The following CSMD2 variants were observed in gnomAD, a reference collection of about 807,000 sequenced individuals.
CSMD2 encodes CUB and sushi domain-containing protein 2.
A neutral mutation model predicts 398.5 loss-of-function variants in CSMD2; 130 were observed. The ratio of observed to expected loss-of-function variants is 0.33; its 90% CI spans 0.28 to 0.38. CSMD2 has a LOEUF of 0.38. Ranked by LOEUF, CSMD2 falls within the 10% of genes least tolerant of loss-of-function variation. The probability of loss-of-function intolerance (pLI) is 1.00; values close to 1 mark genes in which losing one functional copy is unlikely to be tolerated. For synonymous variants in CSMD2, 1,828 were observed against 1,908.5 expected, an observed-to-expected ratio of 0.96 and a Z score of 1.10; for missense variants, 3,829 against 4,764.9, an observed-to-expected ratio of 0.80 and a Z score of 5.78.
intron 5 of CSMD2, among the ~76,000 whole-genome samples, chr1:33,892,798 C>A (rs1267981491): frequency 6.6e-6 from 1 of 152,252 alleles, no homozygotes; most frequent in East Asian, 1.9e-4. Context: ...TTTTAAAGTT[C>A]TGCTTACTTT....
At chr1:33,672,710 C>T (rs926494390) in intron 25 of CSMD2, among the ~76,000 whole-genome samples, 1 of 152,200 alleles carries the variant, frequency 6.6e-6, no homozygotes, top group Non-Finnish European at 1.5e-5. Flanking sequence ...GGAGGCAACC[C>T]CCAGTAGGGG....
chr1:34,165,090 C>T lies in CSMD2; in HGVS notation c.8G>A (p.Arg3His), dbSNP rs1161831354. Residue 3 changes from arginine to histidine, a missense_variant, in exon 1 of 71, where the codon CGC (arginine) becomes CAC (histidine). By Grantham distance (29) the Arg-to-His change is conservative. Around this residue, in one of 5 missense-constraint regions of CSMD2, gnomAD observed 184 missense variants for 217.7 expected, o/e 0.85. Coordinates refer to ENST00000373381, the MANE Select transcript of CSMD2 (RefSeq NM_001281956.2). Reference protein sequence around the residue: MPRSRGRELGRCG... With the variant: MPHSRGRELGRCG... ...GCGCCCCAGCTCCCGTCCCCGCGAG[C>T]GCGGCATGGCGCGGCCGGCAGCGCC... is the stretch of plus-strand genomic sequence containing the variant. 2.5e-5 allele frequency: 30 copies of T among 1,214,004 alleles called. No individual in the cohort carries two copies. The highest frequency in any genetic ancestry group is 1.2e-4 in the South Asian group (3 of 24,220). The allele number at this position is 1,214,004 out of a possible 1,614,324, so 75.2% of individuals were successfully genotyped here.
intron 49 of CSMD2, 24 bp from the exon 50 acceptor site, chr1:33,572,715 T>C (rs768506883): frequency 1.5e-5 from 23 of 1,571,244 alleles, no homozygotes; most frequent in Non-Finnish European, 1.8e-5. Context: ...AACAATGTCA[T>C]GAGCATTTGT....
chr1:33,869,434 G>A (rs1640289830), intron 5 of CSMD2: 1 of 152,142 alleles, frequency 6.6e-6, no homozygotes, highest in Non-Finnish European at 1.5e-5. Flanking sequence ...GAAATGGGTG[G>A]GCACGGGTGG....
At chr1:33,959,088 T>G in intron 3 of CSMD2, among the ~76,000 whole-genome samples, 1 of 152,126 alleles carries the variant, frequency 6.6e-6, no homozygotes, top group East Asian at 1.9e-4. Context: ...TGTGCTTCCC[T>G]CGTGGTCACA....
intron 29 of CSMD2, among the ~76,000 whole-genome samples, chr1:33,646,355 G>A (rs570149388): frequency 1.3e-5 from 2 of 152,342 alleles, no homozygotes; most frequent in African/African-American, 4.8e-5. Context: ...GGTTGAAATA[G>A]AGTTAGGAAT....
chr1:33,552,532 C>T (rs1380051848), intron 55 of CSMD2, among the ~76,000 whole-genome samples: 1 of 152,134 alleles, frequency 6.6e-6, no homozygotes, highest in African/African-American at 2.4e-5. Context: ...TCATAATAGT[C>T]CCAGTTCATC....
intron 37 of CSMD2, among the ~76,000 whole-genome samples, chr1:33,621,403 G>A (rs1310753460): frequency 1.3e-5 from 2 of 152,166 alleles, no homozygotes; most frequent in Admixed American, 6.5e-5. Context: ...CTGTAATGCT[G>A]TCATGCACCT....
chr1:33,652,814 G>C (rs1643834803), intron 27 of CSMD2, among the ~76,000 whole-genome samples: 1 of 152,208 alleles, frequency 6.6e-6, no homozygotes, highest in South Asian at 2.1e-4. Flanking sequence ...GATTGCAGTA[G>C]CGCGATCTCG....
At chr1:33,895,004 G>A (rs1205120645) in intron 5 of CSMD2, among the ~76,000 whole-genome samples, 2 of 152,118 alleles carry the variant, frequency 1.3e-5, no homozygotes, top group Non-Finnish European at 2.9e-5. Context: ...CAACATCTTT[G>A]AGCTTCCACT....
chr1:33,590,981 C>CTTTTTTTTTTTT (rs11374822), intron 44 of CSMD2, among the ~76,000 whole-genome samples: 61 of 67,144 alleles, frequency 9.1e-4, no homozygotes, highest in South Asian at 1.6e-3. Context: ...TTTTATTTAT[C>CTTTTTTTTTTTT]TTTTTTTTTT....
intron 1 of CSMD2, among the ~76,000 whole-genome samples, chr1:34,107,125 C>A (rs1363748288): frequency 1.3e-5 from 2 of 152,180 alleles, no homozygotes; most frequent in African/African-American, 4.8e-5. Flanking sequence ...TGATTCTACT[C>A]CTGTCTGGGT....
chr1:33,519,465 C>G lies in CSMD2; in HGVS notation c.*53G>C. 1 of 1,579,756 alleles carries G rather than the reference C, an allele frequency of 6.3e-7. No homozygotes were observed. The highest frequency in any genetic ancestry group is 8.6e-7 in the Non-Finnish European group (1 of 1,156,674). ...GTCTTCCTCCCACACCCCTGCTCAC[C>G]GGCTGCTGGAGGCGGGGCTCTCGGT... On this transcript the variant is annotated splice_region_variant and 3_prime_UTR_variant, in exon 70 of 71. Coordinates refer to ENST00000373381, the MANE Select transcript of CSMD2 (RefSeq NM_001281956.2). This position sits in a 1 kb window ranked among gnomAD's most constrained non-coding sequence, Gnocchi z 5.6.
intron 5 of CSMD2, among the ~76,000 whole-genome samples, chr1:33,895,449 G>C (rs939911019): frequency 6.6e-6 from 1 of 152,196 alleles, no homozygotes; most frequent in African/African-American, 2.4e-5. Flanking sequence ...GCCAAAATTG[G>C]TAGTAGAGCG....
intron 68 of CSMD2, among the ~76,000 whole-genome samples, chr1:33,520,939 T>C (rs1422060963): frequency 6.6e-6 from 1 of 152,136 alleles, no homozygotes; most frequent in East Asian, 1.9e-4. Flanking sequence ...GGTGTGGATG[T>C]TTGACATGGA....
intron 2 of CSMD2, among the ~76,000 whole-genome samples, chr1:34,085,002 T>G (rs7539763): frequency 0.11 from 16,029 of 152,172 alleles, 1,120 homozygotes; most frequent in East Asian, 0.34. Context: ...AATGATAGAC[T>G]GGATTAAGAA....
intron 5 of CSMD2, among the ~76,000 whole-genome samples, chr1:33,856,928 C>T (rs190235754): frequency 6.6e-6 from 1 of 151,642 alleles, no homozygotes; most frequent in Admixed American, 6.6e-5. Flanking sequence ...CACAAAGTTC[C>T]CTCTAAGGCC....
chr1:33,600,251 G>T, intron 44 of CSMD2: 1 of 695,042 alleles, frequency 1.4e-6, no homozygotes, highest in Non-Finnish European at 2.7e-6. Flanking sequence ...TCTGTAAATT[G>T]CAAATATGTG....
chr1:33,951,788 G>A (rs914423522), intron 3 of CSMD2, among the ~76,000 whole-genome samples: 4 of 152,102 alleles, frequency 2.6e-5, no homozygotes, highest in African/African-American at 4.8e-5. Flanking sequence ...TTTTCCTCCC[G>A]CTACTTCCAT....
Sources: gnomAD v4.1 joint callset for allele counts (sites outside exome capture counted in the v4.1 genomes callset) on GRCh38, gnomAD v4.1.1 for gene constraint, gnomAD v4.1.1 regional missense constraint, Gnocchi (gnomAD v3.1) non-coding constraint, MANE v1.5 for transcripts, NCBI Gene and HGNC (gene_info 2026-07-23, HGNC 2026-07-21) for gene names.